POU6F1: variants seen among roughly 807,000 people sequenced by gnomAD.
POU6F1 encodes the protein POU class 6 homeobox 1, also known as POU domain, class 6, transcription factor 1.
Under a neutral mutation model 28.9 loss-of-function variants are expected in POU6F1, and 9 were observed. That is an observed-to-expected ratio of 0.31 (90% CI 0.19 to 0.54). The LOEUF (loss-of-function observed/expected upper bound fraction) is 0.54. POU6F1 is among the 20% of genes least tolerant of loss of function. The pLI is 0.94. For synonymous variants in POU6F1, 173 were observed against 171.1 expected, an observed-to-expected ratio of 1.01 and a Z score of -0.09; for missense variants, 338 against 426.1, an observed-to-expected ratio of 0.79 and a Z score of 1.82.
Position 51,196,022 on chromosome 12 carries a change from G to A in POU6F1, c.1127C>T (p.Pro376Leu), listed in dbSNP as rs771737920. ...IATLASSPLP[P>L]PVAVRKPSTP... is the part of the protein sequence containing the mutation. ...GCTTGGCTTCCGGACAGCCACAGGT[G>A]GAGGCAGGGGGCTGCTAGCCAGGGT... Residue 376 changes from proline to leucine, a missense_variant, in exon 8 of 11, where the codon CCA becomes CTA. By Grantham distance (98) the Pro-to-Leu change is moderately conservative (BLOSUM62 -3). Around this residue, in one of 3 missense-constraint regions of POU6F1, gnomAD observed 206 missense variants for 225.6 expected, o/e 0.91. Coordinates refer to ENST00000333640, the MANE Select transcript of POU6F1 (RefSeq NM_001330422.2). 2 of 1,610,746 alleles carry A rather than the reference G, an allele frequency of 1.2e-6. No individual in the cohort carries two copies. The highest frequency in any genetic ancestry group is 3.3e-5 in the Admixed American group (2 of 59,834).
At chr12:51,214,374 G>C (rs944106018) in intron 1 of POU6F1, among the ~76,000 whole-genome samples, 1 of 151,990 alleles carries the variant, frequency 6.6e-6, no homozygotes, top group African/African-American at 2.4e-5. Context: ...AAACTTCAAG[G>C]CTCTGTCGAC....
chr12:51,205,091 T>G (rs2137179185), intron 2 of POU6F1, among the ~76,000 whole-genome samples: 1 of 144,514 alleles, frequency 6.9e-6, no homozygotes, highest in East Asian at 2.1e-4. Flanking sequence ...CAGGCTGGAA[T>G]GCAGTGGCGC....
intron 2 of POU6F1, 146 bp downstream of exon 2, chr12:51,206,643 C>A (rs1943644390): frequency 2.5e-6 from 1 of 397,088 alleles, no homozygotes; most frequent in Admixed American, 4.4e-5. Context: ...CTGAGAAATC[C>A]TAAATGGCAA....
intron 3 of POU6F1, among the ~76,000 whole-genome samples, chr12:51,201,050 A>G (rs575199355): frequency 4.8e-4 from 73 of 152,206 alleles, no homozygotes; most frequent in Non-Finnish European, 8.1e-4. Context: ...ATCCAGGCCT[A>G]CTGAATCAGA....
At position 51,187,341 on chromosome 12, in the gene POU6F1, C is replaced by T. The variant is rs1942086126; in HGVS notation, c.*2906G>A. ...TTAAACCATTTCTGTCCATTCTCCT[C>T]TCTTTCCATAGTAAAGACGACACTA... On this transcript the variant is annotated 3_prime_UTR_variant, in exon 11 of 11. Coordinates refer to ENST00000333640, the MANE Select transcript of POU6F1 (RefSeq NM_001330422.2). The T allele has an allele frequency of 6.6e-6, 1 of 152,256 alleles. No individual in the cohort carries two copies. Among genetic ancestry groups the T allele is most frequent in the Admixed American group, 6.5e-5 (1 of 15,286 alleles). The allele number at this position is 152,256 out of a possible 1,614,324, so 9.4% of individuals were successfully genotyped here. A position where few individuals can be genotyped will look rare whatever the true frequency, so the allele number is the denominator to read the frequency against.
intron 3 of POU6F1, 31 bp downstream of exon 3, chr12:51,204,142 G>A: frequency 2.5e-6 from 1 of 399,100 alleles, no homozygotes; most frequent in African/African-American, 2.1e-5. Context: ...CTCAGGTGGA[G>A]CAGTACCAGG....
In POU6F1 at chr12:51,199,983, C is replaced by T. The variant is rs551644763; in HGVS notation, c.245-115G>A. The stretch of plus-strand genomic sequence containing the variant: ...AGCCTGAAGCGGGGACCCTCAGCCC[C>T]ATGCTGCATTGCTACATAGCCCAAG... On this transcript the variant is annotated intron_variant, in intron 3 of 10. Coordinates refer to ENST00000333640, the MANE Select transcript of POU6F1 (RefSeq NM_001330422.2). This position sits in a 1 kb window ranked among gnomAD's most constrained non-coding sequence, Gnocchi z 4.1. 1.3e-4 allele frequency: 53 copies of T among 398,688 alleles called. 1 individual carries two copies. The highest frequency in any genetic ancestry group is 4.8e-4 in the Admixed American group (11 of 22,726). The allele number at this position is 398,688 out of a possible 1,614,324, so 24.7% of individuals were successfully genotyped here.
In POU6F1 at chr12:51,188,038, C is replaced by T. The variant is rs1424128704; in HGVS notation, c.*2209G>A. On this transcript the variant is annotated 3_prime_UTR_variant, in exon 11 of 11. Coordinates refer to ENST00000333640, the MANE Select transcript of POU6F1 (RefSeq NM_001330422.2). ...AACCTCCAGGGTTCAAGCAATTCTC[C>T]TGCCTCCACCTCCCAAGTAGCTGGG... is the stretch of plus-strand genomic sequence containing the variant. The T allele has an allele frequency of 6.6e-6, 1 of 152,250 alleles. No homozygotes were observed. The allele number at this position is 152,250 out of a possible 1,614,324, so 9.4% of individuals were successfully genotyped here.
chr12:51,201,431 C>A (rs1462074865), intron 3 of POU6F1, among the ~76,000 whole-genome samples: 3 of 151,884 alleles, frequency 2.0e-5, no homozygotes, highest in African/African-American at 4.8e-5. Context: ...AATCCCAGCA[C>A]TTTGGGAGGC....
chr12:51,214,708 C>T (rs185753522), intron 1 of POU6F1, among the ~76,000 whole-genome samples: 5 of 152,112 alleles, frequency 3.3e-5, no homozygotes, highest in East Asian at 1.9e-4. Context: ...GAGGCTGAGG[C>T]GGGTGGATCA....
At chr12:51,194,249 A>G (rs995647005) in intron 8 of POU6F1, among the ~76,000 whole-genome samples, 1 of 151,034 alleles carries the variant, frequency 6.6e-6, no homozygotes, top group African/African-American at 2.4e-5. Context: ...CTGGTCTTGA[A>G]CTCCTGGCCT....
In POU6F1 at chr12:51,190,078, G is replaced by T; in HGVS notation, c.*169C>A. 8.1e-7 allele frequency: 1 copy of T among 1,239,992 alleles called. No homozygotes were observed. The allele number at this position is 1,239,992 out of a possible 1,614,324, so 76.8% of individuals were successfully genotyped here. ...CTCTGGCCTCCCCATGATGTGAGAT[G>T]TGTGGGAGAAAAGAGGGACATTGAT... On this transcript the variant is annotated 3_prime_UTR_variant, in exon 11 of 11. Coordinates refer to ENST00000333640, the MANE Select transcript of POU6F1 (RefSeq NM_001330422.2). This position sits in a 1 kb window ranked among gnomAD's most constrained non-coding sequence, Gnocchi z 4.5.
At chr12:51,213,658 C>T (rs369828664) in intron 1 of POU6F1, among the ~76,000 whole-genome samples, 1 of 151,820 alleles carries the variant, frequency 6.6e-6, no homozygotes, top group South Asian at 2.1e-4. Flanking sequence ...CTCAACCTCC[C>T]GAGTAGCTGG....
intron 8 of POU6F1, among the ~76,000 whole-genome samples, chr12:51,194,898 T>G (rs1309615454): frequency 1.3e-5 from 2 of 152,184 alleles, no homozygotes; most frequent in Non-Finnish European, 2.9e-5. Flanking sequence ...TGGAAGTGCA[T>G]GCTGCATTTG....
intron 5 of POU6F1, 57 bp downstream of exon 5, chr12:51,198,493 C>T (rs1213324602): frequency 3.0e-5 from 12 of 395,492 alleles, no homozygotes; most frequent in Middle Eastern, 6.2e-4. Context: ...AGCACACGTG[C>T]GGGGGTGTAG....
chr12:51,216,990 T>C (rs1270897804), intron 1 of POU6F1, among the ~76,000 whole-genome samples: 2 of 152,192 alleles, frequency 1.3e-5, no homozygotes, highest in African/African-American at 2.4e-5. Flanking sequence ...GGCCCATTAT[T>C]ATGACTATTT....
At position 51,190,528 on chromosome 12, in the gene POU6F1, G is replaced by T. The variant is rs974494647; in HGVS notation, c.1555C>A (p.Leu519Ile). The T allele has an allele frequency of 1.2e-6, 2 of 1,614,156 alleles. No homozygotes were observed. The highest frequency in any genetic ancestry group is 1.7e-6 in the Non-Finnish European group (2 of 1,180,040). ...QKLKPVLEKW[L>I]NEAELRNQEG... ...TGGTTCCGCAGTTCAGCTTCGTTTA[G>T]CCACTTTTCCAGCACCGGCTTTAGC... Residue 519 changes from leucine (L) to isoleucine (I), a missense_variant, in exon 11 of 11, where the codon CTA becomes ATA. Physicochemically the swap from Leu to Ile is conservative, Grantham distance 5. Around this residue, in one of 3 missense-constraint regions of POU6F1, gnomAD observed 126 missense variants for 176.5 expected, o/e 0.71. Transcript: ENST00000333640. This position sits in a 1 kb window ranked among gnomAD's most constrained non-coding sequence, Gnocchi z 4.5.
intron 1 of POU6F1, among the ~76,000 whole-genome samples, chr12:51,214,675 C>CA (rs1944195265): frequency 6.6e-6 from 1 of 152,182 alleles, no homozygotes. Flanking sequence ...TAGTAGCTCA[C>CA]ACCTGTAATC....
intron 1 of POU6F1, chr12:51,207,133 C>T (rs955004905): frequency 4.6e-6 from 1 of 218,122 alleles, no homozygotes; most frequent in Non-Finnish European, 9.0e-6. Flanking sequence ...AACCAATTCT[C>T]CTGCCTCAGC....
Sources: allele counts gnomAD v4.1 joint callset (sites outside exome capture counted in the v4.1 genomes callset), GRCh38; gene constraint gnomAD v4.1.1; regional missense constraint gnomAD v4.1.1; non-coding constraint Gnocchi (gnomAD v3.1); transcripts MANE v1.5; gene names NCBI Gene and HGNC (gene_info 2026-07-23, HGNC 2026-07-21).